Variants in DGKG observed in about 807,000 individuals in gnomAD.
DGKG encodes the protein diacylglycerol kinase gamma.
In DGKG, 78 loss-of-function variants were observed where a neutral mutation model predicts 105.3. The observed-to-expected ratio is 0.74, with a 90% CI of 0.62 to 0.89. The LOEUF is 0.89. Among genes scored for constraint, DGKG ranks in the 40% least tolerant of loss-of-function variants. The probability of loss-of-function intolerance (pLI) is 0.00; values close to 1 mark genes in which losing one functional copy is unlikely to be tolerated. For synonymous variants in DGKG, 346 were observed against 367.1 expected (o/e 0.94, Z 0.66); for missense variants, 958 against 1,020.1 (o/e 0.94, Z 0.83).
intron 22 of DGKG, among the ~76,000 whole-genome samples, chr3:186,184,260 G>C (rs1717508300): frequency 6.6e-6 from 1 of 152,108 alleles, no homozygotes; most frequent in Non-Finnish European, 1.5e-5. Flanking sequence ...AATTTCCCAA[G>C]ATCTATAAAA....
rs182130652 is a variant in DGKG, at chr3:186,241,692, T to C, written c.1826+812A>G. On this transcript the variant is annotated intron_variant, in intron 20 of 24. Transcript: ENST00000265022. Reference sequence around the variant, plus strand: ...ACCTAGGGTTGGGGTGGGAACAGTGTCTGAAATAGTGGTCATCTTGAAATA... The same window carrying C: ...ACCTAGGGTTGGGGTGGGAACAGTGCCTGAAATAGTGGTCATCTTGAAATA... Among the ~76,000 whole-genome samples, 7 of 152,214 alleles carry C rather than the reference T, an allele frequency of 4.6e-5. No individual in the cohort carries two copies. In the East Asian group the frequency reaches 1.2e-3, roughly 25 times the overall value.
chr3:186,340,792 C>G (rs1726051490), intron 1 of DGKG, among the ~76,000 whole-genome samples: 1 of 152,166 alleles, frequency 6.6e-6, no homozygotes, highest in African/African-American at 2.4e-5. Context: ...AGTCTCCTTC[C>G]CCTCTCTGAA....
chr3:186,311,783 A>C (rs1460456876), intron 2 of DGKG, among the ~76,000 whole-genome samples: 5 of 152,306 alleles, frequency 3.3e-5, no homozygotes, highest in African/African-American at 1.2e-4. Context: ...TTGTGCTGCC[A>C]GGACTAGACC....
In DGKG at chr3:186,231,332, G is replaced by A. The variant is rs1435320279; in HGVS notation, c.1826+11172C>T. 6.6e-6 allele frequency among the ~76,000 whole-genome samples: 1 copy of A among 152,172 alleles called. No homozygotes were observed. The highest frequency in any genetic ancestry group is 1.5e-5 in the Non-Finnish European group (1 of 68,014). On this transcript the variant is annotated intron_variant, in intron 20 of 24. Transcript: ENST00000265022. This position sits in a 1 kb window ranked among gnomAD's most constrained non-coding sequence, Gnocchi z 4.5. The stretch of plus-strand genomic sequence containing the variant: ...GCAGGGAATTGTAGCAGGCTAAGAG[G>A]AGATGTGGAGTGGACAGGCCTAGGT...
intron 5 of DGKG, among the ~76,000 whole-genome samples, chr3:186,294,684 GCCT>G (rs1241674431): frequency 6.6e-6 from 1 of 151,946 alleles, no homozygotes; most frequent in African/African-American, 2.4e-5. Context: ...GCCTGAATAT[GCCT>G]CCTCTAGTCC....
intron 1 of DGKG, among the ~76,000 whole-genome samples, chr3:186,336,527 C>T (rs1212491458): frequency 6.6e-6 from 1 of 152,096 alleles, no homozygotes; most frequent in Non-Finnish European, 1.5e-5. Flanking sequence ...AATGAAGCCT[C>T]CAACTCAAGA....
intron 20 of DGKG, among the ~76,000 whole-genome samples, chr3:186,238,410 G>A (rs1352718574): frequency 6.6e-6 from 1 of 151,078 alleles, no homozygotes; most frequent in Non-Finnish European, 1.5e-5. Context: ...ACGACTTCCT[G>A]TATACTATAT....
Position 186,226,657 on chromosome 3 carries a change from C to T in DGKG, c.1827-14772G>A, listed in dbSNP as rs561479807. 3.9e-5 allele frequency among the ~76,000 whole-genome samples: 6 copies of T among 152,270 alleles called. No individual in the cohort carries two copies. The highest frequency in any genetic ancestry group is 1.4e-4 in the African/African-American group (6 of 41,550). On this transcript the variant is annotated intron_variant, in intron 20 of 24. Coordinates refer to ENST00000265022, the MANE Select transcript of DGKG (RefSeq NM_001346.3). This position sits in a 1 kb window ranked among gnomAD's most constrained non-coding sequence, Gnocchi z 4.2. ...AACCCAAAACTGGAGATTACAGACCCGCTTTCAGCTTATTGAGTTCAAAGG... is the reference window on the plus strand; with the variant it reads ...AACCCAAAACTGGAGATTACAGACCTGCTTTCAGCTTATTGAGTTCAAAGG...
intron 3 of DGKG, among the ~76,000 whole-genome samples, chr3:186,299,455 C>T (rs1008817944): frequency 6.6e-6 from 1 of 152,176 alleles, no homozygotes; most frequent in Non-Finnish European, 1.5e-5. Flanking sequence ...TGTTTAGCAC[C>T]AGGCTTGGCT....
At position 186,210,996 on chromosome 3, in the gene DGKG, C is replaced by T. The variant is rs1346363240; in HGVS notation, c.1917+799G>A. ...GCAATCAATGAGAGGGCTTCCGGAG[C>T]GAAGCCCAGCCAACGTGGGGTGAGA... On this transcript the variant is annotated intron_variant, in intron 21 of 24. Transcript: ENST00000265022. This position sits in a 1 kb window ranked among gnomAD's most constrained non-coding sequence, Gnocchi z 5.2. Among the ~76,000 whole-genome samples, 3 of 152,138 alleles carry T rather than the reference C, an allele frequency of 2.0e-5. No individual in the cohort carries two copies. Among genetic ancestry groups the T allele is most frequent in the African/African-American group, 4.8e-5 (2 of 41,494 alleles).
rs1305887376 is a variant in DGKG, at chr3:186,188,259, T to A, written c.2038A>T (p.Ile680Phe). 6.2e-7 allele frequency: 1 copy of A among 1,614,188 alleles called. No homozygotes were observed. Among genetic ancestry groups the A allele is most frequent in the Admixed American group, 1.7e-5 (1 of 60,016 alleles). Residue 680 changes from isoleucine (I) to phenylalanine (F), a missense_variant, in exon 22 of 25, where the codon ATC becomes TTC. Coordinates refer to ENST00000265022, the MANE Select transcript of DGKG (RefSeq NM_001346.3). ...WGENKKNRAV[I>F]RESRKGVTDP... is the part of the protein sequence containing the mutation. ...GTGACACCCTTCCTGCTTTCCCGGA[T>A]CACAGCCCGGTTCTTCTTGTTTTCT...
At chr3:186,274,123 A>G (rs1366985185) in intron 10 of DGKG, among the ~76,000 whole-genome samples, 3 of 152,216 alleles carry the variant, frequency 2.0e-5, no homozygotes, top group Non-Finnish European at 4.4e-5. Context: ...AGGAATTAAA[A>G]AGTGAAACAA....
chr3:186,358,609 C>T (rs1462171216), intron 1 of DGKG, among the ~76,000 whole-genome samples: 1 of 150,638 alleles, frequency 6.6e-6, no homozygotes, highest in Non-Finnish European at 1.5e-5. Context: ...ATGGGTATAA[C>T]TTTATTTTTA....
In DGKG at chr3:186,148,605, A is replaced by G; in HGVS notation, c.*1485T>C. On this transcript the variant is annotated 3_prime_UTR_variant, in exon 25 of 25. Transcript: ENST00000265022. ...ATGTGTGGGTTCTTTTCTCCATTAA[A>G]TATCTTTGTAACGGCACCTACTCTC... is the stretch of plus-strand genomic sequence containing the variant. The G allele has an allele frequency of 2.0e-6, 2 of 985,356 alleles. No individual in the cohort carries two copies. Among genetic ancestry groups the G allele is most frequent in the Non-Finnish European group, 2.4e-6 (2 of 829,918 alleles). The allele number at this position is 985,356 out of a possible 1,614,324, so 61.0% of individuals were successfully genotyped here.
At chr3:186,206,950 T>G (rs1189147149) in intron 21 of DGKG, among the ~76,000 whole-genome samples, 1 of 152,140 alleles carries the variant, frequency 6.6e-6, no homozygotes, top group Admixed American at 6.5e-5. Context: ...GGTTTTACCA[T>G]GTTGGCCAGG....
intron 21 of DGKG, among the ~76,000 whole-genome samples, chr3:186,197,163 T>C (rs987107925): frequency 2.6e-5 from 4 of 151,970 alleles, no homozygotes; most frequent in Non-Finnish European, 4.4e-5. Flanking sequence ...GGGTAGCTCT[T>C]TTGAAGATGG....
At chr3:186,358,399 A>G (rs2108681313) in intron 1 of DGKG, among the ~76,000 whole-genome samples, 1 of 152,342 alleles carries the variant, frequency 6.6e-6, no homozygotes, top group Admixed American at 6.5e-5. Context: ...ACAACAGATT[A>G]TATTCCAGGG....
intron 2 of DGKG, among the ~76,000 whole-genome samples, chr3:186,307,532 G>T (rs111881744): frequency 0.011 from 1,650 of 152,178 alleles, 30 homozygotes; most frequent in African/African-American, 0.037. Context: ...TGGCTCCCAC[G>T]TGACTTGTAC....
chr3:186,269,205 G>A (rs1290647980), intron 11 of DGKG, among the ~76,000 whole-genome samples: 1 of 152,220 alleles, frequency 6.6e-6, no homozygotes, highest in Non-Finnish European at 1.5e-5. Flanking sequence ...TTGTCTGGCA[G>A]TCCATCTGTT....
Sources: gnomAD v4.1 joint callset for allele counts (sites outside exome capture counted in the v4.1 genomes callset) on GRCh38, gnomAD v4.1.1 for gene constraint, Gnocchi (gnomAD v3.1) non-coding constraint, MANE v1.5 for transcripts, NCBI Gene and HGNC (gene_info 2026-07-23, HGNC 2026-07-21) for gene names.